MEGF11: variants seen among roughly 807,000 people sequenced by gnomAD.
MEGF11 encodes the protein multiple epidermal growth factor-like domains protein 11.
A neutral mutation model predicts 146.6 loss-of-function variants in MEGF11; 126 were observed. That is an observed-to-expected ratio of 0.86 (90% confidence interval 0.74 to 1.00). The LOEUF (loss-of-function observed/expected upper bound fraction) is 1.00. Ranked by LOEUF, MEGF11 falls within the 50% of genes least tolerant of loss-of-function variation. MEGF11 has a pLI of 0.00. For synonymous variants in MEGF11, 532 were observed against 583.4 expected (o/e 0.91, Z 1.27); for missense variants, 1,509 against 1,521.2 (o/e 0.99, Z 0.13).
chr15:66,102,383 G>A (rs36178748), intron 4 of MEGF11, among the ~76,000 whole-genome samples: 56,114 of 122,522 alleles, frequency 0.46, 11,812 homozygotes, highest in South Asian at 0.58. Context: ...TGAAGACTAG[G>A]AGCTTGGCAA....
At chr15:66,246,966 C>A (rs7162947) in intron 1 of MEGF11, among the ~76,000 whole-genome samples, 1 of 152,012 alleles carries the variant, frequency 6.6e-6, no homozygotes, top group Non-Finnish European at 1.5e-5. Context: ...CAGTACTGAT[C>A]GTATTTGGAT....
chr15:66,162,107 G>A (rs970990867), intron 1 of MEGF11, among the ~76,000 whole-genome samples: 4 of 152,150 alleles, frequency 2.6e-5, no homozygotes, highest in East Asian at 1.9e-4. Flanking sequence ...TGAACCATGC[G>A]TGATAAGTGC....
intron 10 of MEGF11, among the ~76,000 whole-genome samples, chr15:65,931,870 C>T (rs1287888103): frequency 1.3e-5 from 2 of 152,070 alleles, no homozygotes; most frequent in East Asian, 3.8e-4. Flanking sequence ...ATAGAAGCTA[C>T]TGCCTCAGCA....
At chr15:66,050,437 G>T (rs1029825370) in intron 5 of MEGF11, among the ~76,000 whole-genome samples, 1 of 152,220 alleles carries the variant, frequency 6.6e-6, no homozygotes, top group Non-Finnish European at 1.5e-5. Context: ...GCCATGTGGA[G>T]GCAGAGGAAA....
intron 1 of MEGF11, among the ~76,000 whole-genome samples, chr15:66,220,578 C>T (rs1482673762): frequency 4.0e-5 from 6 of 149,634 alleles, no homozygotes; most frequent in African/African-American, 9.9e-5. Context: ...CACTCTGTCA[C>T]ACAGGCTGGA....
chr15:66,057,581 C>A (rs769120587), intron 5 of MEGF11, among the ~76,000 whole-genome samples: 3 of 151,906 alleles, frequency 2.0e-5, no homozygotes, highest in African/African-American at 7.3e-5. Flanking sequence ...TTTTCTATTA[C>A]GTCAAGGACA....
chr15:66,146,213 C>T (rs12593454), intron 1 of MEGF11, among the ~76,000 whole-genome samples: 67,269 of 151,994 alleles, frequency 0.44, 15,299 homozygotes, highest in South Asian at 0.63. Flanking sequence ...ATAACGCAAG[C>T]GAAAGTGCTT....
At chr15:66,136,162 G>A (rs1567259004) in intron 1 of MEGF11, among the ~76,000 whole-genome samples, 1 of 152,216 alleles carries the variant, frequency 6.6e-6, no homozygotes, top group African/African-American at 2.4e-5. Flanking sequence ...AAATAGGAAG[G>A]GTGAGAGAAC....
intron 1 of MEGF11, among the ~76,000 whole-genome samples, chr15:66,138,243 C>T (rs1466607628): frequency 6.6e-6 from 1 of 152,172 alleles, no homozygotes; most frequent in Non-Finnish European, 1.5e-5. Flanking sequence ...AAACCTGCTA[C>T]CCCTAGGGAC....
At position 66,107,054 on chromosome 15, in the gene MEGF11, A is replaced by ACCCCCCCCCC. The variant is rs35937464; in HGVS notation, c.301+12031_301+12032insGGGGGGGGGG. 3.9e-4 allele frequency among the ~76,000 whole-genome samples: 52 copies of ACCCCCCCCCC among 132,460 alleles called. 1 individual carries two copies. The highest frequency in any genetic ancestry group is 1.5e-3 in the African/African-American group (51 of 34,428). 86.9% of individuals were successfully genotyped at this position (132,460 alleles called of 152,430 possible). A position where few individuals can be genotyped will look rare whatever the true frequency, so the allele number is the denominator to read the frequency against. ...CCTGTAGTTCAATGTTTATATTCCT[A>ACCCCCCCCCC]CCCCCCCACCAGGTATAGACAGGGA... On this transcript the variant is annotated intron_variant, in intron 4 of 25. Coordinates refer to ENST00000395614, the MANE Select transcript of MEGF11 (RefSeq NM_001385028.1).
chr15:66,086,232 A>G (rs1341370951), intron 5 of MEGF11, among the ~76,000 whole-genome samples: 1 of 152,226 alleles, frequency 6.6e-6, no homozygotes, highest in African/African-American at 2.4e-5. Flanking sequence ...CCTGGAAAAT[A>G]TATTTGGGGG....
At chr15:65,967,203 C>CAATT (rs1567180923) in intron 8 of MEGF11, 1 of 152,098 alleles carries the variant, frequency 6.6e-6, no homozygotes, top group Admixed American at 6.5e-5. Context: ...AATTGGGGCT[C>CAATT]AATTAGAAAA....
chr15:66,079,253 G>A (rs1271654483), intron 5 of MEGF11, among the ~76,000 whole-genome samples: 2 of 152,162 alleles, frequency 1.3e-5, no homozygotes, highest in Non-Finnish European at 2.9e-5. Flanking sequence ...TTCTTGGGGG[G>A]ACAGATGAGG....
At chr15:65,984,659 T>C (rs1307338701) in intron 5 of MEGF11, among the ~76,000 whole-genome samples, 3 of 151,946 alleles carry the variant, frequency 2.0e-5, no homozygotes, top group Non-Finnish European at 4.4e-5. Flanking sequence ...GAATTATCTA[T>C]GGTACCATTT....
chr15:66,189,071 G>A (rs1040564057), intron 1 of MEGF11, among the ~76,000 whole-genome samples: 1 of 152,226 alleles, frequency 6.6e-6, no homozygotes, highest in African/African-American at 2.4e-5. Flanking sequence ...AAGCCATGGG[G>A]GAGGAGGGAT....
intron 10 of MEGF11, among the ~76,000 whole-genome samples, chr15:65,954,077 C>T (rs1292066155): frequency 6.6e-6 from 1 of 152,142 alleles, no homozygotes; most frequent in African/African-American, 2.4e-5. Context: ...TTACTCCTCC[C>T]ATCGTTCAGA....
chr15:66,130,908 G>C (rs1597112582), intron 1 of MEGF11, among the ~76,000 whole-genome samples: 1 of 152,318 alleles, frequency 6.6e-6, no homozygotes, highest in East Asian at 1.9e-4. Context: ...TGAGATGACT[G>C]AGGGAAAATC....
At chr15:66,076,203 A>AGGATGGAT (rs55758771) in intron 5 of MEGF11, among the ~76,000 whole-genome samples, 25 of 148,800 alleles carry the variant, frequency 1.7e-4, no homozygotes, top group East Asian at 4.0e-4. Context: ...ACTGACAGAC[A>AGGATGGAT]GGATGGATGG....
intron 4 of MEGF11, among the ~76,000 whole-genome samples, chr15:66,109,726 A>G (rs919760163): frequency 6.6e-6 from 1 of 152,000 alleles, no homozygotes; most frequent in Non-Finnish European, 1.5e-5. Flanking sequence ...CATCTTTCAG[A>G]CTCAGCTCAA....
Sources: gnomAD v4.1 joint callset for allele counts (sites outside exome capture counted in the v4.1 genomes callset) on GRCh38, gnomAD v4.1.1 for gene constraint, MANE v1.5 for transcripts, NCBI Gene and HGNC (gene_info 2026-07-23, HGNC 2026-07-21) for gene names.